Variants in COTL1 observed in about 807,000 individuals in gnomAD.
COTL1 encodes coactosin like F-actin binding protein 1.
COTL1 carries 15 observed loss-of-function variants against 16.5 expected under a neutral mutation model. That is an observed-to-expected ratio of 0.91 (90% CI 0.61 to 1.40). The LOEUF (loss-of-function observed/expected upper bound fraction) is 1.40, where lower values mean the gene tolerates loss of function less well. Among genes scored for constraint, COTL1 ranks in the 40% most tolerant of loss-of-function variants. The probability of loss-of-function intolerance (pLI) is 0.00; values close to 1 mark genes in which losing one functional copy is unlikely to be tolerated. For missense variants in COTL1, 220 were observed against 201.5 expected (o/e 1.09, Z -0.56); for synonymous variants, 112 against 85.3 (o/e 1.31, Z -1.73).
chr16:84,569,851 C>A (rs1388049344), intron 3 of COTL1, among the ~76,000 whole-genome samples: 1 of 152,214 alleles, frequency 6.6e-6, no homozygotes. Flanking sequence ...AGGAGGAAGC[C>A]AACAGCTTAA....
intron 2 of COTL1, chr16:84,616,589 C>T (rs1030643218): frequency 3.3e-5 from 5 of 152,206 alleles, no homozygotes; most frequent in Non-Finnish European, 4.4e-5. Context: ...GCTGTGCTGC[C>T]GTTGTCCGAA....
rs746469890 is a variant in COTL1 at position 84,617,860 on chromosome 16, C to G, written c.55G>C (p.Asp19His). 1.9e-6 allele frequency: 3 copies of G among 1,576,876 alleles called. No homozygotes were observed. Among genetic ancestry groups the G allele is most frequent in the Non-Finnish European group, 1.7e-6 (2 of 1,162,360 alleles). The part of the protein sequence containing the change: ...ACRAAYNLVR[D>H]DGSAVIWVTF... ...TACCAGATGACGGCCGAGCCGTCGT[C>G]GCGCACCAGGTTGTACGCCGCCCGG... is the stretch of plus-strand genomic sequence containing the variant. The change falls in exon 1 of 4, where the codon GAC becomes CAC. Residue 19 changes from aspartate to histidine, a missense_variant. By Grantham distance (81) the Asp-to-His change is moderately conservative. Transcript: ENST00000262428.
intron 3 of COTL1, among the ~76,000 whole-genome samples, chr16:84,580,725 G>C (rs1158873378): frequency 6.6e-6 from 1 of 152,110 alleles, no homozygotes. Flanking sequence ...TGTATATTGG[G>C]GTCAGTACAG....
chr16:84,592,794 C>A (rs1004321165), intron 2 of COTL1, among the ~76,000 whole-genome samples: 1 of 152,070 alleles, frequency 6.6e-6, no homozygotes, highest in African/African-American at 2.4e-5. Flanking sequence ...CCAGCACGTT[C>A]GCCTTCAACA....
chr16:84,573,311 G>A (rs376137641), intron 3 of COTL1, among the ~76,000 whole-genome samples: 2 of 152,356 alleles, frequency 1.3e-5, no homozygotes, highest in East Asian at 3.9e-4. Context: ...GTGGCCACAC[G>A]TGGCCAGCAA....
intron 2 of COTL1, chr16:84,616,412 A>G (rs1221632100): frequency 2.0e-5 from 3 of 152,196 alleles, no homozygotes; most frequent in African/African-American, 7.2e-5. Flanking sequence ...CTGAGGCAGG[A>G]GAATCTCTTG....
At chr16:84,612,365 A>G (rs781073048) in intron 2 of COTL1, among the ~76,000 whole-genome samples, 2 of 152,204 alleles carry the variant, frequency 1.3e-5, no homozygotes, top group Non-Finnish European at 2.9e-5. Flanking sequence ...GCGTGTCCAC[A>G]TGGGGCCAAA....
rs571185201 is a variant in COTL1 at position 84,600,463 on chromosome 16, C to A, written c.161-10201G>T. ...GAATAGCAGGGATTACAGGCACCTGCCACCATGCTCGGCTAATTTTTGTAG... is the reference window on the plus strand; with the variant it reads ...GAATAGCAGGGATTACAGGCACCTGACACCATGCTCGGCTAATTTTTGTAG... On this transcript the variant is annotated intron_variant, in intron 2 of 3. Transcript: ENST00000262428. Among the ~76,000 whole-genome samples, 167 of 152,242 alleles carry A rather than the reference C, an allele frequency of 1.1e-3. 2 individuals carry two copies. The highest frequency in any genetic ancestry group is 3.9e-3 in the African/African-American group (160 of 41,538).
chr16:84,586,472 G>A (rs575176541), intron 3 of COTL1, among the ~76,000 whole-genome samples: 4 of 152,276 alleles, frequency 2.6e-5, no homozygotes, highest in Admixed American at 2.0e-4. Context: ...GGTTTCCTTT[G>A]GGGGTGATGA....
At chr16:84,579,743 C>G (rs1362930925) in intron 3 of COTL1, among the ~76,000 whole-genome samples, 1 of 152,132 alleles carries the variant, frequency 6.6e-6, no homozygotes, top group Non-Finnish European at 1.5e-5. Flanking sequence ...AAGGGAATCT[C>G]ACGAGGCAAG....
chr16:84,616,237 A>C (rs1001655135), intron 2 of COTL1: 39 of 152,348 alleles, frequency 2.6e-4, no homozygotes, highest in African/African-American at 9.2e-4. Flanking sequence ...GCAGTGGCTC[A>C]CGCCTGTAAT....
chr16:84,595,353 A>C (rs531671849), intron 2 of COTL1: 42 of 152,366 alleles, frequency 2.8e-4, no homozygotes, highest in African/African-American at 9.1e-4. Flanking sequence ...GAGATCTGGC[A>C]CGACAGTGAC....
chr16:84,614,832 C>T (rs1011746976), intron 2 of COTL1, among the ~76,000 whole-genome samples: 1 of 152,138 alleles, frequency 6.6e-6, no homozygotes, highest in Admixed American at 6.5e-5. Context: ...GCAAGCAATC[C>T]CACGAGAGGT....
chr16:84,580,748 G>A (rs28557336), intron 3 of COTL1, among the ~76,000 whole-genome samples: 35,049 of 152,144 alleles, frequency 0.23, 4,159 homozygotes, highest in Non-Finnish European at 0.27. Flanking sequence ...CCCGGCTCAT[G>A]GATGAATAAG....
In COTL1 at chr16:84,617,849, C is replaced by T. The variant is rs771981709; in HGVS notation, c.66G>A (p.Ser22=). 1 of 1,572,424 alleles carries T rather than the reference C, an allele frequency of 6.4e-7. No individual in the cohort carries two copies. Among genetic ancestry groups the T allele is most frequent in the South Asian group, 1.2e-5 (1 of 86,044 alleles). Residue 22 remains serine, a synonymous_variant, in exon 1 of 4, where the codon TCG becomes TCA. Coordinates refer to ENST00000262428, the MANE Select transcript of COTL1 (RefSeq NM_021149.5). ...TGAAAAGTTCCTACCAGATGACGGC[C>T]GAGCCGTCGTCGCGCACCAGGTTGT... The part of the protein sequence containing the change: ...AAYNLVRDDG[S]AVIWVTFKYD...
At chr16:84,586,572 G>A (rs1261368075) in intron 3 of COTL1, among the ~76,000 whole-genome samples, 1 of 151,986 alleles carries the variant, frequency 6.6e-6, no homozygotes, top group Admixed American at 6.6e-5. Context: ...TGGCTACAAT[G>A]GTAAACTTTA....
chr16:84,590,130 T>A lies in COTL1; in HGVS notation c.293A>T (p.Lys98Met). 2 of 1,614,022 alleles carry A rather than the reference T, an allele frequency of 1.2e-6. No individual in the cohort carries two copies. Among genetic ancestry groups the A allele is most frequent in the Non-Finnish European group, 1.7e-6 (2 of 1,179,908 alleles). Reference protein sequence around the residue: ...GLQRAKTGTDKTLVKEVVQNF... With the variant: ...GLQRAKTGTDMTLVKEVVQNF... ...CTGTACGACCTCCTTCACCAGGGTC[T>A]TGTCCGTCCCGGTTTTGGCGCGCTG... The change falls in exon 3 of 4, where the codon AAG (lysine) becomes ATG (methionine). Residue 98 changes from lysine to methionine, a missense_variant. Transcript: ENST00000262428. The surrounding 1 kb of genome is among the most constrained non-coding windows in gnomAD (Gnocchi z 5.5).
intron 2 of COTL1, among the ~76,000 whole-genome samples, chr16:84,597,968 T>C (rs760034970): frequency 2.0e-5 from 3 of 152,198 alleles, no homozygotes; most frequent in Non-Finnish European, 4.4e-5. Flanking sequence ...CTAGCTCCTC[T>C]GCTTGCCCAT....
At chr16:84,605,484 G>C (rs1905194480) in intron 2 of COTL1, among the ~76,000 whole-genome samples, 1 of 152,256 alleles carries the variant, frequency 6.6e-6, no homozygotes, top group Non-Finnish European at 1.5e-5. Flanking sequence ...CTTTGAGGGT[G>C]TGGTTAAGGT....
Sources: gnomAD v4.1 joint callset for allele counts (sites outside exome capture counted in the v4.1 genomes callset) on GRCh38, gnomAD v4.1.1 for gene constraint, Gnocchi (gnomAD v3.1) non-coding constraint, MANE v1.5 for transcripts, NCBI Gene and HGNC (gene_info 2026-07-23, HGNC 2026-07-21) for gene names.